Variants in ZNF585A observed in about 807,000 individuals in gnomAD.
The protein encoded by ZNF585A is zinc finger protein 585A.
ZNF585A carries 9 observed loss-of-function variants against 14.9 expected under a neutral mutation model. That is an observed-to-expected ratio of 0.60 (90% CI 0.36 to 1.05). The LOEUF (loss-of-function observed/expected upper bound fraction) is 1.05. Ranked by LOEUF, ZNF585A falls within the 50% of genes least tolerant of loss-of-function variation. The pLI is 0.01. For missense variants in ZNF585A, 726 were observed against 926.4 expected (o/e 0.78, Z 2.81); for synonymous variants, 276 against 319.9 (o/e 0.86, Z 1.46).
intron 1 of ZNF585A, 23 bp from the exon 2 acceptor site, chr19:37,170,077 G>C (rs1972157965): frequency 2.9e-6 from 2 of 699,714 alleles, no homozygotes; most frequent in Non-Finnish European, 4.7e-6. Context: ...TGTTCCCATA[G>C]TCAGTCATTT....
chr19:37,154,881 T>C (rs1237397966), intron 4 of ZNF585A, among the ~76,000 whole-genome samples: 4 of 151,660 alleles, frequency 2.6e-5, no homozygotes, highest in African/African-American at 2.4e-5. Flanking sequence ...CAGAGTAACT[T>C]TGAAAGAAAG....
rs533269891 is a variant in ZNF585A at position 37,152,936 on chromosome 19, T to C, written c.963A>G (p.Thr321=). 1.9e-6 allele frequency: 3 copies of C among 1,614,258 alleles called. No individual in the cohort carries two copies. In the South Asian group the frequency reaches 3.3e-5, roughly 18 times the overall value. ...SQLQVHQRVH[T]RVKPYICTEY... is the part of the protein sequence containing the mutation. Reference sequence around the variant, plus strand: ...CGGTACATATATAGGGCTTCACTCTTGTGTGAACACGTTGATGTACCTGAA... The same window carrying C: ...CGGTACATATATAGGGCTTCACTCTCGTGTGAACACGTTGATGTACCTGAA... The change falls in exon 5 of 5, where the codon ACA becomes ACG. Residue 321 remains threonine (T), a synonymous_variant. Transcript: ENST00000292841.
At position 37,152,917 on chromosome 19, in the gene ZNF585A, A is replaced by G. The variant is rs1328849185; in HGVS notation, c.982T>C (p.Cys328Arg). The change falls in exon 5 of 5, where the codon TGT becomes CGT. Residue 328 changes from cysteine to arginine, a missense_variant. Around this residue, in one of 2 missense-constraint regions of ZNF585A, gnomAD observed 483 missense variants for 542.8 expected, o/e 0.89. Transcript: ENST00000292841. ...CTGAAGACCTTCCCATATTCGGTAC[A>G]TATATAGGGCTTCACTCTTGTGTGA... is the stretch of plus-strand genomic sequence containing the variant. ...RVHTRVKPYICTEYGKVFSNN... is the reference protein window; with the variant it reads ...RVHTRVKPYIRTEYGKVFSNN... The G allele has an allele frequency of 1.2e-6, 2 of 1,614,224 alleles. No homozygotes were observed. The highest frequency in any genetic ancestry group is 1.7e-5 in the Admixed American group (1 of 60,018).
Position 37,169,826 on chromosome 19 carries a change from T to G in ZNF585A, c.72+13A>C, listed in dbSNP as rs763765736. On this transcript the variant is annotated intron_variant, in intron 2 of 4. Coordinates refer to ENST00000292841, the MANE Select transcript of ZNF585A (RefSeq NM_001288800.2). The stretch of plus-strand genomic sequence containing the variant: ...GATTGAATTCCCACCCCCCTGGGAC[T>G]CCTCCTTCTCACCTCATAGGAGCTG... 23 of 1,610,542 alleles carry G rather than the reference T, an allele frequency of 1.4e-5. No individual in the cohort carries two copies. The African/African-American group carries it at 2.3e-4, about 16-fold the overall frequency.
chr19:37,147,084 GGACA>G lies in ZNF585A; in HGVS notation c.*4501_*4504del, dbSNP rs916565979. The stretch of plus-strand genomic sequence containing the variant: ...GGGCGCCTGGTATACAGCAGAAACA[GGACA>G]GACAAAGTCTGGTTCTCATGAGGCT... On this transcript the variant is annotated 3_prime_UTR_variant, in exon 5 of 5. Coordinates refer to ENST00000292841, the MANE Select transcript of ZNF585A (RefSeq NM_001288800.2). The G allele has an allele frequency of 2.0e-4, 30 of 152,240 alleles. No individual in the cohort carries two copies. The highest frequency in any genetic ancestry group is 7.0e-4 in the African/African-American group (29 of 41,444). The allele number at this position is 152,240 out of a possible 1,614,324, so 9.4% of individuals were successfully genotyped here. A position where few individuals can be genotyped will look rare whatever the true frequency, so the allele number is the denominator to read the frequency against.
Position 37,147,239 on chromosome 19 carries a change from G to A in ZNF585A, c.*4350C>T, listed in dbSNP as rs1172310120. 6.6e-6 allele frequency: 1 copy of A among 152,296 alleles called. No homozygotes were observed. Among genetic ancestry groups the A allele is most frequent in the Non-Finnish European group, 1.5e-5 (1 of 68,068 alleles). The allele number at this position is 152,296 out of a possible 1,614,324, so 9.4% of individuals were successfully genotyped here. The stretch of plus-strand genomic sequence containing the variant: ...GGAGCAGCAAGTGAGCTCTACAGAT[G>A]TGTTACTTCAATGGCAGGATAAGAT... On this transcript the variant is annotated 3_prime_UTR_variant, in exon 5 of 5. Transcript: ENST00000292841.
chr19:37,156,967 T>C (rs896249196), intron 2 of ZNF585A, among the ~76,000 whole-genome samples: 2 of 152,148 alleles, frequency 1.3e-5, no homozygotes, highest in African/African-American at 2.4e-5. Flanking sequence ...GCTGGGATTA[T>C]GCGTGAGCCA....
At chr19:37,168,241 T>C (rs1336531106) in intron 2 of ZNF585A, among the ~76,000 whole-genome samples, 4 of 152,230 alleles carry the variant, frequency 2.6e-5, no homozygotes, top group Non-Finnish European at 5.9e-5. Flanking sequence ...TTTTGGTTCA[T>C]TCCTTTATTT....
chr19:37,159,863 G>A (rs1034391735), intron 2 of ZNF585A, among the ~76,000 whole-genome samples: 16 of 152,054 alleles, frequency 1.1e-4, no homozygotes, highest in African/African-American at 2.4e-4. Flanking sequence ...ACAAGATATC[G>A]CCAAAATAAT....
intron 2 of ZNF585A, among the ~76,000 whole-genome samples, chr19:37,157,015 C>G (rs1971942669): frequency 6.6e-6 from 1 of 152,158 alleles, no homozygotes; most frequent in Non-Finnish European, 1.5e-5. Flanking sequence ...AAATGCAAAT[C>G]ATGAACTAGG....
rs1407482025 is a variant in ZNF585A, at chr19:37,152,630, T to C, written c.1269A>G (p.Ala423=). 1.2e-6 allele frequency: 2 copies of C among 1,614,200 alleles called. No homozygotes were observed. The highest frequency in any genetic ancestry group is 1.7e-5 in the Admixed American group (1 of 60,032). ...MKCGLAFIQK[A]HLIAHQIIHT... The stretch of plus-strand genomic sequence containing the variant: ...GAATTATTTGATGTGCAATCAAGTG[T>C]GCCTTCTGAATGAAGGCCAGTCCAC... The change falls in exon 5 of 5, where the codon GCA becomes GCG. Residue 423 remains alanine, a synonymous_variant. Transcript: ENST00000292841.
intron 2 of ZNF585A, among the ~76,000 whole-genome samples, chr19:37,159,679 A>T (rs1408132339): frequency 6.6e-6 from 1 of 152,244 alleles, no homozygotes; most frequent in Non-Finnish European, 1.5e-5. Flanking sequence ...CAAGTTTACA[A>T]GAATTACAAC....
intron 2 of ZNF585A, 118 bp from the exon 3 acceptor site, chr19:37,156,473 C>T: frequency 7.6e-7 from 1 of 1,321,984 alleles, no homozygotes; most frequent in Non-Finnish European, 1.0e-6. Flanking sequence ...TTTTTAAAAA[C>T]TCACTCCCAT....
chr19:37,151,487 G>C lies in ZNF585A; in HGVS notation c.*102C>G. On this transcript the variant is annotated 3_prime_UTR_variant, in exon 5 of 5. Transcript: ENST00000292841. The stretch of plus-strand genomic sequence containing the variant: ...ACAGCCATGTGTGACATTCTGCTGT[G>C]GTCATTTCTATTTACAATAATATAC... The C allele has an allele frequency of 1.6e-6, 2 of 1,263,188 alleles. No individual in the cohort carries two copies. The highest frequency in any genetic ancestry group is 2.2e-6 in the Non-Finnish European group (2 of 918,992). The allele number at this position is 1,263,188 out of a possible 1,614,324, so 78.2% of individuals were successfully genotyped here.
chr19:37,153,672 C>A, intron 4 of ZNF585A, 66 bp from the exon 5 acceptor site: 1 of 1,299,932 alleles, frequency 7.7e-7, no homozygotes, highest in Non-Finnish European at 1.1e-6. Flanking sequence ...TTTTAACATT[C>A]TTTGAAGGAT....
chr19:37,164,961 C>T (rs1972064480), intron 2 of ZNF585A, among the ~76,000 whole-genome samples: 1 of 152,130 alleles, frequency 6.6e-6, no homozygotes, highest in South Asian at 2.1e-4. Context: ...GTGTGAGCCA[C>T]CACATATGGC....
In ZNF585A at chr19:37,152,515, C is replaced by T. The variant is rs1473823764; in HGVS notation, c.1384G>A (p.Gly462Arg). The T allele has an allele frequency of 6.2e-7, 1 of 1,614,004 alleles. No individual in the cohort carries two copies. ...QLHVHKRIHTGEKPYMCNKCG... is the reference protein window; with the variant it reads ...QLHVHKRIHTREKPYMCNKCG... ...TTATTGCACATATAGGGCTTTTCTC[C>T]TGTGTGAATTCGTTTATGAACATGG... Residue 462 changes from glycine to arginine, a missense_variant, in exon 5 of 5, where the codon GGA becomes AGA. Around this residue, in one of 2 missense-constraint regions of ZNF585A, gnomAD observed 243 missense variants for 383.6 expected, o/e 0.63. Coordinates refer to ENST00000292841, the MANE Select transcript of ZNF585A (RefSeq NM_001288800.2).
chr19:37,169,283 C>A (rs1169234733), intron 2 of ZNF585A, among the ~76,000 whole-genome samples: 1 of 151,172 alleles, frequency 6.6e-6, no homozygotes. Flanking sequence ...AAAATTAAAA[C>A]GTTGAATTAA....
chr19:37,164,080 T>C (rs1300705578), intron 2 of ZNF585A, among the ~76,000 whole-genome samples: 1 of 152,168 alleles, frequency 6.6e-6, no homozygotes, highest in East Asian at 1.9e-4. Flanking sequence ...CCGTATTTAC[T>C]ATCTGTGCAC....
Sources: gnomAD v4.1 joint callset for allele counts (sites outside exome capture counted in the v4.1 genomes callset) on GRCh38, gnomAD v4.1.1 for gene constraint, gnomAD v4.1.1 regional missense constraint, MANE v1.5 for transcripts, NCBI Gene and HGNC (gene_info 2026-07-23, HGNC 2026-07-21) for gene names.